Variants in TAF4 observed in about 807,000 individuals in gnomAD.
The protein encoded by TAF4 is transcription initiation factor TFIID subunit 4.
Under a neutral mutation model 90.3 loss-of-function variants are expected in TAF4, and 9 were observed. The ratio of observed to expected loss-of-function variants is 0.10; its 90% CI spans 0.06 to 0.17. The LOEUF (loss-of-function observed/expected upper bound fraction) is 0.17. TAF4 is among the 10% of genes least tolerant of loss of function. The pLI is 1.00. For missense variants in TAF4, 1,351 were observed against 1,370.7 expected (o/e 0.99, Z 0.23); for synonymous variants, 818 against 638.9 (o/e 1.28, Z -4.23).
chr20:62,026,922 T>G (rs1163850085), intron 1 of TAF4, among the ~76,000 whole-genome samples: 1 of 152,220 alleles, frequency 6.6e-6, no homozygotes, highest in East Asian at 1.9e-4. Flanking sequence ...TTGCTCACCT[T>G]AGAGCAAAGT....
Position 62,053,578 on chromosome 20 carries a change from C to G in TAF4, c.1360+10873G>C, listed in dbSNP as rs529271583. Among the ~76,000 whole-genome samples the G allele has an allele frequency of 9.2e-4, 140 of 152,334 alleles. 1 individual carries two copies. The highest frequency in any genetic ancestry group is 3.3e-3 in the African/African-American group (138 of 41,584). The stretch of plus-strand genomic sequence containing the variant: ...CGTGCACCTCACCTCCGCCCGTCCA[C>G]GCCGACCTGCAGCACTCCCCAAGCA... On this transcript the variant is annotated intron_variant, in intron 1 of 14. Transcript: ENST00000252996.
chr20:62,041,511 C>T (rs2055963633), intron 1 of TAF4, among the ~76,000 whole-genome samples: 1 of 152,078 alleles, frequency 6.6e-6, no homozygotes. Flanking sequence ...CGCCTGCAGT[C>T]CCAGCTACTT....
chr20:62,020,071 C>T (rs2055834153), intron 1 of TAF4, among the ~76,000 whole-genome samples: 1 of 152,182 alleles, frequency 6.6e-6, no homozygotes, highest in Admixed American at 6.5e-5. Context: ...CCTGTGTAGC[C>T]CAGGTCAGGA....
At chr20:62,047,264 G>A (rs1026283236) in intron 1 of TAF4, among the ~76,000 whole-genome samples, 2 of 152,134 alleles carry the variant, frequency 1.3e-5, no homozygotes, top group African/African-American at 4.8e-5. Flanking sequence ...AGCTACCACT[G>A]CAATCCCAAA....
At position 62,064,591 on chromosome 20, in the gene TAF4, G is replaced by C; in HGVS notation, c.1220C>G (p.Ala407Gly). 6.8e-7 allele frequency: 1 copy of C among 1,469,904 alleles called. No homozygotes were observed. The highest frequency in any genetic ancestry group is 1.5e-5 in the African/African-American group (1 of 68,498). 91.1% of individuals were successfully genotyped at this position (1,469,904 alleles called of 1,614,324 possible). Residue 407 changes from alanine to glycine, a missense_variant, in exon 1 of 15, where the codon GCA becomes GGA. Ala to Gly is a moderately conservative substitution (Grantham distance 60, BLOSUM62 0). Around this residue, in one of 9 missense-constraint regions of TAF4, gnomAD observed 782 missense variants for 536.6 expected, o/e 1.46. Transcript: ENST00000252996. ...PTGLPKGAAGAVTQSLSRTPT... is the reference protein window; with the variant it reads ...PTGLPKGAAGGVTQSLSRTPT... ...CGTCCGGGACAGGCTCTGGGTCACT[G>C]CGCCGGCCGCGCCTTTGGGCAGCCC...
At position 62,021,880 on chromosome 20, in the gene TAF4, G is replaced by A. The variant is rs12106247; in HGVS notation, c.1361-7173C>T. Reference sequence around the variant, plus strand: ...AAAGACAGCCGGCACCTCAGACGGCGACAGAGAGGCACTGTGTGCAGTGGC... The same window carrying A: ...AAAGACAGCCGGCACCTCAGACGGCAACAGAGAGGCACTGTGTGCAGTGGC... On this transcript the variant is annotated intron_variant, in intron 1 of 14. Transcript: ENST00000252996. Among the ~76,000 whole-genome samples, 1,391 of 152,244 alleles carry A rather than the reference G, an allele frequency of 9.1e-3. 8 individuals are homozygous for A. Among genetic ancestry groups the A allele is most frequent in the South Asian group, 0.037 (179 of 4,822 alleles).
In TAF4 at chr20:62,021,510, G is replaced by A. The variant is rs1600847745; in HGVS notation, c.1361-6803C>T. Among the ~76,000 whole-genome samples the A allele has an allele frequency of 2.0e-5, 3 of 152,374 alleles. No homozygotes were observed. In the Middle Eastern group the frequency reaches 0.01, roughly 518 times the overall value. ...CAGCACTTGGCTCGACTCAAACAGC[G>A]TGTTCACAGCCAAGGGCCGTGCGCG... is the stretch of plus-strand genomic sequence containing the variant. On this transcript the variant is annotated intron_variant, in intron 1 of 14. Transcript: ENST00000252996.
Position 61,999,085 on chromosome 20 carries a change from C to G in TAF4, c.2811G>C (p.Ala937=). 6.2e-7 allele frequency: 1 copy of G among 1,614,110 alleles called. No homozygotes were observed. The highest frequency in any genetic ancestry group is 8.5e-7 in the Non-Finnish European group (1 of 1,180,030). ...ACTTGAGCTGTGCCCGGACGTCACT[C>G]GCCTGCTCATATCTGTCGTCATCCT... ...SYKDDDRYEQ[A]SDVRAQLKFF... Residue 937 remains alanine (A), a synonymous_variant, in exon 12 of 15, where the codon GCG becomes GCC. Transcript: ENST00000252996.
intron 1 of TAF4, among the ~76,000 whole-genome samples, chr20:62,050,199 C>A (rs1244723981): frequency 6.6e-6 from 1 of 152,182 alleles, no homozygotes; most frequent in Non-Finnish European, 1.5e-5. Context: ...ACAGCAGCGA[C>A]CAGGGCACAG....
At chr20:62,055,597 A>G (rs1320099122) in intron 1 of TAF4, among the ~76,000 whole-genome samples, 1 of 152,172 alleles carries the variant, frequency 6.6e-6, no homozygotes, top group African/African-American at 2.4e-5. Context: ...GCAGCCCTAC[A>G]ATATCAATTC....
At chr20:62,040,497 C>T (rs1437777578) in intron 1 of TAF4, among the ~76,000 whole-genome samples, 1 of 152,250 alleles carries the variant, frequency 6.6e-6, no homozygotes, top group Non-Finnish European at 1.5e-5. Context: ...GGGCACGAGG[C>T]TACAGAATGA....
chr20:62,054,371 T>C (rs940863645), intron 1 of TAF4, among the ~76,000 whole-genome samples: 4 of 152,090 alleles, frequency 2.6e-5, no homozygotes, highest in Non-Finnish European at 5.9e-5. Flanking sequence ...TACAGATCTG[T>C]GAATTTGTGC....
intron 1 of TAF4, among the ~76,000 whole-genome samples, chr20:62,015,832 G>A (rs1433557721): frequency 2.6e-5 from 4 of 152,184 alleles, no homozygotes; most frequent in Non-Finnish European, 1.5e-5. Context: ...CAGCTCTTTC[G>A]AAACTCAGCA....
chr20:62,029,486 G>GCACACACA (rs56056225), intron 1 of TAF4, among the ~76,000 whole-genome samples: 18 of 146,088 alleles, frequency 1.2e-4, no homozygotes, highest in South Asian at 4.3e-4. Context: ...GCGCGCGCGC[G>GCACACACA]CACACACACA....
At chr20:62,018,939 G>A (rs1214121169) in intron 1 of TAF4, among the ~76,000 whole-genome samples, 1 of 152,106 alleles carries the variant, frequency 6.6e-6, no homozygotes, top group Non-Finnish European at 1.5e-5. Context: ...CTCCTGACCG[G>A]GCCACTGTGG....
rs267606037 is a variant in TAF4, at chr20:62,009,138, G to A, written c.1798C>T (p.Leu600=). 2.4e-5 allele frequency: 39 copies of A among 1,612,466 alleles called. No individual in the cohort carries two copies. In the Admixed American group the frequency reaches 3.2e-4, roughly 13 times the overall value. Reference sequence around the variant, plus strand: ...GAAGCCAGTTTTATTAACGTAGATAGGAAATTTTTACATTTCTTCACGTTT... The same window carrying A: ...GAAGCCAGTTTTATTAACGTAGATAAGAAATTTTTACATTTCTTCACGTTT... ...MENVKKCKNF[L]STLIKLASSG... Residue 600 remains leucine (L), a synonymous_variant, in exon 5 of 15, where the codon CTA becomes TTA. Transcript: ENST00000252996.
chr20:62,049,363 C>A (rs2056013114), intron 1 of TAF4, among the ~76,000 whole-genome samples: 1 of 152,146 alleles, frequency 6.6e-6, no homozygotes, highest in Admixed American at 6.5e-5. Context: ...CTGGCACCAG[C>A]CAGCATCCAG....
intron 3 of TAF4, among the ~76,000 whole-genome samples, chr20:62,011,657 G>A (rs1456703750): frequency 6.6e-6 from 1 of 152,168 alleles, no homozygotes; most frequent in Non-Finnish European, 1.5e-5. Context: ...TAGAAGAGCC[G>A]GGGTTGCGGG....
chr20:61,998,775 TAAG>T (rs1275279683), intron 12 of TAF4, among the ~76,000 whole-genome samples: 1 of 152,212 alleles, frequency 6.6e-6, no homozygotes, highest in Non-Finnish European at 1.5e-5. Flanking sequence ...CTGGGAATCT[TAAG>T]AAGCCCCGCT....
Sources: allele counts gnomAD v4.1 joint callset (sites outside exome capture counted in the v4.1 genomes callset), GRCh38; gene constraint gnomAD v4.1.1; regional missense constraint gnomAD v4.1.1; transcripts MANE v1.5; gene names NCBI Gene and HGNC (gene_info 2026-07-23, HGNC 2026-07-21).